ARHGAP39: variants seen among roughly 807,000 people sequenced by gnomAD.
ARHGAP39 encodes rho GTPase-activating protein 39.
ARHGAP39 carries 44 observed loss-of-function variants against 106.9 expected under a neutral mutation model. The ratio of observed to expected loss-of-function variants is 0.41; its 90% CI spans 0.32 to 0.53. The LOEUF (loss-of-function observed/expected upper bound fraction) is 0.53, where lower values mean the gene tolerates loss of function less well. Among genes scored for constraint, ARHGAP39 ranks in the 20% least tolerant of loss-of-function variants. The probability of loss-of-function intolerance (pLI) is 0.21; values close to 1 mark genes in which losing one functional copy is unlikely to be tolerated. For missense variants in ARHGAP39, 1,496 were observed against 1,577.3 expected (o/e 0.95, Z 0.87); for synonymous variants, 768 against 693.2 (o/e 1.11, Z -1.69).
At chr8:144,698,845 A>G in the ARHGAP39 span, 1 of 456,010 alleles carries the variant, frequency 2.2e-6, no homozygotes, top group Non-Finnish European at 4.4e-6. Flanking sequence ...TTCACCTCTA[A>G]GGACTCAGAA....
chr8:144,535,108 C>T (rs927098891), intron 7 of ARHGAP39, among the ~76,000 whole-genome samples: 3 of 152,194 alleles, frequency 2.0e-5, no homozygotes, highest in Admixed American at 6.5e-5. Flanking sequence ...CAGCGCCTAC[C>T]GCCTGCCAGG....
rs1413473994 is a variant in ARHGAP39, at chr8:144,548,098, T to C, written c.988A>G (p.Met330Val). The change falls in exon 5 of 12, where the codon ATG becomes GTG. Residue 330 changes from methionine to valine, a missense_variant. Coordinates refer to ENST00000377307, the MANE Select transcript of ARHGAP39 (RefSeq NM_025251.3). This position sits in a 1 kb window ranked among gnomAD's most constrained non-coding sequence, Gnocchi z 7.4. ...CCGCCAGCCTCGAATTGCACGTCCATGGGGGGCTCATCGTAGATGGGGGCC... is the reference window on the plus strand; with the variant it reads ...CCGCCAGCCTCGAATTGCACGTCCACGGGGGGCTCATCGTAGATGGGGGCC... ...YQAPIYDEPP[M>V]DVQFEAGGGY... 13 of 1,586,642 alleles carry C rather than the reference T, an allele frequency of 8.2e-6. No homozygotes were observed. The highest frequency in any genetic ancestry group is 4.5e-5 in the South Asian group (4 of 87,978).
intron 3 of ARHGAP39, among the ~76,000 whole-genome samples, chr8:144,579,741 C>G (rs1818900321): frequency 2.0e-5 from 3 of 152,186 alleles, no homozygotes; most frequent in Admixed American, 2.0e-4. Context: ...ATGAGCCCGG[C>G]AGTCCAACAC....
At chr8:144,589,592 C>T (rs1819315108) in intron 2 of ARHGAP39, among the ~76,000 whole-genome samples, 1 of 152,244 alleles carries the variant, frequency 6.6e-6, no homozygotes, top group African/African-American at 2.4e-5. Context: ...CTAGGGACTC[C>T]CGTGACCCCA....
chr8:144,610,436 G>A (rs1239338429), intron 1 of ARHGAP39, among the ~76,000 whole-genome samples: 1 of 152,214 alleles, frequency 6.6e-6, no homozygotes, highest in Non-Finnish European at 1.5e-5. Context: ...TTAGGGCCGG[G>A]CGTGGTGGCC....
intron 3 of ARHGAP39, among the ~76,000 whole-genome samples, chr8:144,559,401 T>C (rs955469336): frequency 7.3e-6 from 1 of 136,070 alleles, no homozygotes; most frequent in Admixed American, 7.5e-5. Flanking sequence ...ATTAAAGCAG[T>C]GTAGTACTAG....
At chr8:144,628,442 C>T (rs772856503) in intron 1 of ARHGAP39, among the ~76,000 whole-genome samples, 3 of 152,168 alleles carry the variant, frequency 2.0e-5, no homozygotes, top group East Asian at 3.9e-4. Context: ...GAGGGCATTC[C>T]GGAGTGGCAT....
At chr8:144,589,036 C>A (rs1819289857) in intron 2 of ARHGAP39, among the ~76,000 whole-genome samples, 1 of 152,144 alleles carries the variant, frequency 6.6e-6, no homozygotes, top group South Asian at 2.1e-4. Context: ...CAGGTGCAAA[C>A]CCAAGCGTCT....
intron 1 of ARHGAP39, among the ~76,000 whole-genome samples, chr8:144,632,562 G>T (rs111596567): frequency 1.8e-4 from 27 of 152,350 alleles, no homozygotes; most frequent in African/African-American, 6.0e-4. Flanking sequence ...TCTGGGCCTG[G>T]GCCGTCAGTC....
chr8:144,661,334 C>T (rs1821817457), intron 1 of ARHGAP39, among the ~76,000 whole-genome samples: 1 of 152,220 alleles, frequency 6.6e-6, no homozygotes, highest in South Asian at 2.1e-4. Flanking sequence ...TCGCGCGTGA[C>T]ACTCCTGCAG....
Position 144,548,501 on chromosome 8 carries a change from G to A in ARHGAP39, c.597-12C>T. ...GCAGCGAGGAGGTCCTGCGTGGGGG[G>A]TGGACGGGCACAGGTGACTGCCTGC... On this transcript the variant is annotated splice_polypyrimidine_tract_variant and intron_variant, in intron 4 of 11. Coordinates refer to ENST00000377307, the MANE Select transcript of ARHGAP39 (RefSeq NM_025251.3). This position sits in a 1 kb window ranked among gnomAD's most constrained non-coding sequence, Gnocchi z 7.4. 1.2e-6 allele frequency: 2 copies of A among 1,604,230 alleles called. No homozygotes were observed. The highest frequency in any genetic ancestry group is 1.3e-5 in the African/African-American group (1 of 74,984).
intron 1 of ARHGAP39, among the ~76,000 whole-genome samples, chr8:144,626,980 A>G (rs563434548): frequency 2.0e-5 from 3 of 152,234 alleles, no homozygotes; most frequent in Non-Finnish European, 4.4e-5. Context: ...TGTCGGGGCC[A>G]TGTTTGTCCC....
chr8:144,642,323 TAAA>T (rs1486450825), intron 1 of ARHGAP39, among the ~76,000 whole-genome samples: 1 of 152,032 alleles, frequency 6.6e-6, no homozygotes, highest in African/African-American at 2.4e-5. Flanking sequence ...CTGACTCTAC[TAAA>T]AATACAAAAT....
At chr8:144,543,322 C>T (rs1410473264) in intron 6 of ARHGAP39, among the ~76,000 whole-genome samples, 1 of 152,142 alleles carries the variant, frequency 6.6e-6, no homozygotes, top group South Asian at 2.1e-4. Context: ...AAAGGGACAC[C>T]TCCTAGGCAC....
chr8:144,555,469 C>A (rs954812818), intron 4 of ARHGAP39, 91 bp downstream of exon 4: 4 of 1,124,124 alleles, frequency 3.6e-6, no homozygotes, highest in African/African-American at 3.1e-5. Flanking sequence ...GTTGCTGCTA[C>A]GCGCCAGGCA....
At chr8:144,613,775 A>C (rs958225727) in intron 1 of ARHGAP39, among the ~76,000 whole-genome samples, 12 of 152,222 alleles carry the variant, frequency 7.9e-5, no homozygotes, top group Non-Finnish European at 2.9e-5. Flanking sequence ...CAAAGAAAAA[A>C]GAAAGATGGT....
At position 144,555,319 on chromosome 8, in the gene ARHGAP39, A is replaced by G. The variant is rs552510434; in HGVS notation, c.596+241T>C. On this transcript the variant is annotated intron_variant, in intron 4 of 11. Transcript: ENST00000377307. ...CACCAGGGGCTGAGGGAAGCACCGC[A>G]GGCTCCAGGCTGCCTAAGCCAGGCA... is the stretch of plus-strand genomic sequence containing the variant. Among the ~76,000 whole-genome samples, 3 of 152,358 alleles carry G rather than the reference A, an allele frequency of 2.0e-5. No homozygotes were observed. The East Asian group carries it at 5.8e-4, about 29-fold the overall frequency.
Position 144,671,945 on chromosome 8 carries a change from T to C in ARHGAP39, c.-82+13741A>G, listed in dbSNP as rs1385268192. ...AGGTGTGAGAGCCCTGCCAGAGCAA[T>C]GGAGACAGGCTCCGCCCAAGTGAGG... On this transcript the variant is annotated intron_variant, in intron 1 of 11. Transcript: ENST00000377307. This position sits in a 1 kb window ranked among gnomAD's most constrained non-coding sequence, Gnocchi z 4.5. Among the ~76,000 whole-genome samples, 1 of 152,184 alleles carries C rather than the reference T, an allele frequency of 6.6e-6. No individual in the cohort carries two copies. Among genetic ancestry groups the C allele is most frequent in the Non-Finnish European group, 1.5e-5 (1 of 68,034 alleles).
At chr8:144,619,585 T>C (rs1820733528) in intron 1 of ARHGAP39, among the ~76,000 whole-genome samples, 1 of 147,520 alleles carries the variant, frequency 6.8e-6, no homozygotes, top group South Asian at 2.1e-4. Flanking sequence ...TGTGTGAGAC[T>C]GTGTGTCCCT....
Sources: allele counts gnomAD v4.1 joint callset (sites outside exome capture counted in the v4.1 genomes callset), GRCh38; gene constraint gnomAD v4.1.1; non-coding constraint Gnocchi (gnomAD v3.1); transcripts MANE v1.5; gene names NCBI Gene and HGNC (gene_info 2026-07-23, HGNC 2026-07-21).